Variants in SMAGP observed in about 807,000 individuals in gnomAD.
SMAGP encodes small cell transmembrane and glycosylated protein.
A neutral mutation model predicts 10.1 loss-of-function variants in SMAGP; 7 were observed. The ratio of observed to expected loss-of-function variants is 0.70; its 90% confidence interval spans 0.40 to 1.31. The LOEUF is 1.31. Among genes scored for constraint, SMAGP ranks in the 50% most tolerant of loss-of-function variants. The pLI is 0.01. For missense variants in SMAGP, 113 were observed against 116.5 expected (o/e 0.97, Z 0.14); for synonymous variants, 49 against 47.2 (o/e 1.04, Z -0.16).
intron 2 of SMAGP, among the ~76,000 whole-genome samples, chr12:51,247,860 CG>C (rs1944792991): frequency 6.6e-6 from 1 of 152,206 alleles, no homozygotes; most frequent in East Asian, 1.9e-4. Flanking sequence ...ACAGCTTGCA[CG>C]GTGAGGAGCT....
At chr12:51,269,537 C>T (rs1330795099) in intron 1 of SMAGP, 3 of 519,052 alleles carry the variant, frequency 5.8e-6, no homozygotes, top group Non-Finnish European at 7.0e-6. Flanking sequence ...GGGGTGTTAC[C>T]TTCATACGCT....
At chr12:51,256,704 GA>G (rs1944887694) in intron 2 of SMAGP, among the ~76,000 whole-genome samples, 1 of 151,000 alleles carries the variant, frequency 6.6e-6, no homozygotes, top group Non-Finnish European at 1.5e-5. Flanking sequence ...TGGGCAATGA[GA>G]GCGAAACTCC....
chr12:51,258,990 A>G lies in SMAGP; in HGVS notation c.34+10255T>C, dbSNP rs1284666998. On this transcript the variant is annotated intron_variant, in intron 2 of 3. Transcript: ENST00000603798. ...GGGGAGACCCTGTCTCTACCAAAAA[A>G]AAAAAAAAAAAAAAAAAAAAACCTG... Among the ~76,000 whole-genome samples the G allele has an allele frequency of 9.0e-5, 13 of 144,318 alleles. No homozygotes were observed. The South Asian group carries it at 1.1e-3, about 12-fold the overall frequency. 94.7% of individuals were successfully genotyped at this position (144,318 alleles called of 152,430 possible). A position where few individuals can be genotyped will look rare whatever the true frequency, so the allele number is the denominator to read the frequency against.
chr12:51,262,801 T>TCTCTTATCACTGAGGC (rs1944941646), intron 2 of SMAGP, among the ~76,000 whole-genome samples: 1 of 152,178 alleles, frequency 6.6e-6, no homozygotes, highest in South Asian at 2.1e-4. Flanking sequence ...TTGAGCTAAA[T>TCTCTTATCACTGAGGC]CTCTTATCAC....
chr12:51,260,364 TTTTTTGTTG>T (rs1003376572), intron 2 of SMAGP, among the ~76,000 whole-genome samples: 31 of 150,922 alleles, frequency 2.1e-4, no homozygotes, highest in East Asian at 5.9e-4. Context: ...GCTGATTGTT[TTTTTTGTTG>T]TTGTTGTTGT....
intron 2 of SMAGP, among the ~76,000 whole-genome samples, chr12:51,264,965 A>G (rs1944962533): frequency 6.6e-6 from 1 of 151,404 alleles, no homozygotes; most frequent in South Asian, 2.1e-4. Context: ...AAAGAGAGAG[A>G]GGACTGATTC....
At chr12:51,255,934 G>A (rs1944881024) in intron 2 of SMAGP, among the ~76,000 whole-genome samples, 1 of 152,056 alleles carries the variant, frequency 6.6e-6, no homozygotes, top group Admixed American at 6.6e-5. Flanking sequence ...ACCATGCCTG[G>A]CTAATTTTGT....
At chr12:51,249,079 A>G (rs746061426) in intron 2 of SMAGP, among the ~76,000 whole-genome samples, 5 of 151,972 alleles carry the variant, frequency 3.3e-5, no homozygotes, top group Non-Finnish European at 7.4e-5. Flanking sequence ...GACCCCATCC[A>G]AAAACAAAAA....
chr12:51,248,079 C>T (rs372556205), intron 2 of SMAGP, among the ~76,000 whole-genome samples: 1 of 151,984 alleles, frequency 6.6e-6, no homozygotes, highest in East Asian at 1.9e-4. Flanking sequence ...CAGCGTGGCC[C>T]GAGCGCGGTG....
chr12:51,266,473 A>AC (rs1944975388), intron 2 of SMAGP, among the ~76,000 whole-genome samples: 1 of 151,918 alleles, frequency 6.6e-6, no homozygotes, highest in Middle Eastern at 3.4e-3. Context: ...CTTAAGAAAA[A>AC]AAAAAAAAGA....
chr12:51,246,304 G>A, intron 3 of SMAGP, 185 bp from the exon 4 acceptor site: 1 of 789,874 alleles, frequency 1.3e-6, no homozygotes, highest in Non-Finnish European at 1.9e-6. Flanking sequence ...AATAGCTGGA[G>A]TCTCCTGGTG....
At chr12:51,268,263 G>C (rs1289803684) in intron 2 of SMAGP, among the ~76,000 whole-genome samples, 1 of 151,552 alleles carries the variant, frequency 6.6e-6, no homozygotes, top group Non-Finnish European at 1.5e-5. Context: ...CAACGTGACT[G>C]AGTGCTTACG....
At chr12:51,269,178 G>T in intron 2 of SMAGP, 67 bp downstream of exon 2, 1 of 1,582,112 alleles carries the variant, frequency 6.3e-7, no homozygotes, top group Non-Finnish European at 8.7e-7. Flanking sequence ...AGGCTTCCAG[G>T]ACTGGTCTGG....
At chr12:51,247,600 G>A (rs952766206) in intron 2 of SMAGP, among the ~76,000 whole-genome samples, 1 of 152,176 alleles carries the variant, frequency 6.6e-6, no homozygotes, top group Non-Finnish European at 1.5e-5. Context: ...GTTTACACAG[G>A]AAGTCAGGAA....
intron 2 of SMAGP, among the ~76,000 whole-genome samples, chr12:51,256,567 C>G (rs1944886002): frequency 6.6e-6 from 1 of 151,978 alleles, no homozygotes; most frequent in South Asian, 2.1e-4. Flanking sequence ...ACTAAAAATA[C>G]AAAATTAGCC....
intron 2 of SMAGP, among the ~76,000 whole-genome samples, chr12:51,264,487 G>A (rs1477578776): frequency 2.0e-5 from 3 of 152,168 alleles, no homozygotes; most frequent in African/African-American, 7.2e-5. Context: ...TTAGCTGGGC[G>A]TGATGGTGCA....
chr12:51,255,523 G>A (rs1295133871), intron 2 of SMAGP, among the ~76,000 whole-genome samples: 1 of 152,188 alleles, frequency 6.6e-6, no homozygotes, highest in Non-Finnish European at 1.5e-5. Flanking sequence ...TAGAGGATGA[G>A]AGGCCATATG....
At chr12:51,254,685 G>A (rs1231657914) in intron 2 of SMAGP, among the ~76,000 whole-genome samples, 2 of 152,254 alleles carry the variant, frequency 1.3e-5, no homozygotes, top group Non-Finnish European at 2.9e-5. Flanking sequence ...AGAGAAGGTT[G>A]TCAGGGGAAG....
chr12:51,261,449 G>A (rs903662602), intron 2 of SMAGP, among the ~76,000 whole-genome samples: 2 of 152,016 alleles, frequency 1.3e-5, no homozygotes, highest in African/African-American at 4.8e-5. Flanking sequence ...AGGAAAGCTT[G>A]CAAGAGAAAG....
Sources: allele counts gnomAD v4.1 joint callset (sites outside exome capture counted in the v4.1 genomes callset), GRCh38; gene constraint gnomAD v4.1.1; transcripts MANE v1.5; gene names NCBI Gene and HGNC (gene_info 2026-07-23, HGNC 2026-07-21).